The following DECR1 variants were observed in gnomAD, a reference collection of about 807,000 sequenced individuals.
DECR1 encodes the protein 2,4-dienoyl-CoA reductase [(3E)-enoyl-CoA-producing], mitochondrial.
In DECR1, 44 loss-of-function variants were observed where a neutral mutation model predicts 38.8. The observed-to-expected ratio is 1.13, with a 90% CI of 0.89 to 1.46. The LOEUF is 1.46. Among genes scored for constraint, DECR1 ranks in the 40% most tolerant of loss-of-function variants. The pLI is 0.00. For missense variants in DECR1, 428 were observed against 405.5 expected, an observed-to-expected ratio of 1.06 and a Z score of -0.48; for synonymous variants, 148 against 135.2, an observed-to-expected ratio of 1.09 and a Z score of -0.66.
intron 5 of DECR1, among the ~76,000 whole-genome samples, chr8:90,023,942 C>T (rs188373008): frequency 6.6e-6 from 1 of 152,160 alleles, no homozygotes; most frequent in African/African-American, 2.4e-5. Context: ...TGTTCACTTC[C>T]CACCTATGAG....
At chr8:90,020,829 A>G (rs1289923594) in intron 4 of DECR1, 80 bp from the exon 5 acceptor site, 2 of 1,144,234 alleles carry the variant, frequency 1.7e-6, no homozygotes, top group Non-Finnish European at 1.2e-6. Context: ...TTCTATTAAT[A>G]CATTTCAGAA....
At chr8:90,033,127 C>T (rs1209276887) in intron 5 of DECR1, among the ~76,000 whole-genome samples, 1 of 152,100 alleles carries the variant, frequency 6.6e-6, no homozygotes, top group Admixed American at 6.6e-5. Context: ...TTCTGTTGGT[C>T]ATTGGAACTA....
chr8:90,013,232 C>T (rs549442378), intron 1 of DECR1, among the ~76,000 whole-genome samples: 1 of 152,186 alleles, frequency 6.6e-6, no homozygotes, highest in Non-Finnish European at 1.5e-5. Context: ...CTCATTTAGC[C>T]TTACAACTTC....
intron 1 of DECR1, among the ~76,000 whole-genome samples, chr8:90,010,468 G>A (rs1056560086): frequency 6.6e-6 from 1 of 152,226 alleles, no homozygotes; most frequent in African/African-American, 2.4e-5. Context: ...TGCACGCATG[G>A]CCTTCTAGCA....
At chr8:90,018,180 G>T (rs550547582) in intron 2 of DECR1, among the ~76,000 whole-genome samples, 8 of 152,278 alleles carry the variant, frequency 5.3e-5, no homozygotes, top group Non-Finnish European at 8.8e-5. Context: ...GAGCCACCGC[G>T]CCCAGCCAGT....
At chr8:90,015,528 G>T in intron 1 of DECR1, 119 of 341,786 alleles carry the variant, frequency 3.5e-4, no homozygotes, top group Middle Eastern at 7.6e-4. Flanking sequence ...ACATTTTCTT[G>T]TGCAATTTCC....
intron 1 of DECR1, among the ~76,000 whole-genome samples, chr8:90,014,302 G>T (rs934753206): frequency 1.3e-5 from 2 of 152,182 alleles, no homozygotes; most frequent in Non-Finnish European, 2.9e-5. Context: ...GTAGAAACGG[G>T]ATTGAATATG....
chr8:90,019,026 T>C (rs1813080826), intron 3 of DECR1, 60 bp downstream of exon 3: 7 of 1,584,126 alleles, frequency 4.4e-6, no homozygotes, highest in Middle Eastern at 1.7e-4. Flanking sequence ...TCAAATAATT[T>C]GTTCATGCGT....
At chr8:90,028,024 C>A (rs536595724) in intron 5 of DECR1, among the ~76,000 whole-genome samples, 1 of 152,192 alleles carries the variant, frequency 6.6e-6, no homozygotes, top group African/African-American at 2.4e-5. Context: ...TGTTACTTTT[C>A]ATTGAGCTTC....
chr8:90,007,141 T>C (rs1812762707), intron 1 of DECR1, among the ~76,000 whole-genome samples: 1 of 152,120 alleles, frequency 6.6e-6, no homozygotes, highest in Non-Finnish European at 1.5e-5. Context: ...GAGCAATTTG[T>C]GTAAAGACAG....
At chr8:90,002,733 T>C (rs1182534121) in intron 1 of DECR1, among the ~76,000 whole-genome samples, 1 of 152,220 alleles carries the variant, frequency 6.6e-6, no homozygotes, top group Non-Finnish European at 1.5e-5. Context: ...AAGTAAGGTA[T>C]CTTTCTTTTA....
intron 2 of DECR1, 119 bp from the exon 3 acceptor site, chr8:90,018,790 T>A (rs1179337594): frequency 1.3e-6 from 1 of 796,032 alleles, no homozygotes; most frequent in Non-Finnish European, 2.1e-6. Context: ...GATTTTTGTA[T>A]ATAAATAACA....
At chr8:90,003,847 G>A (rs548958176) in intron 1 of DECR1, among the ~76,000 whole-genome samples, 1 of 152,258 alleles carries the variant, frequency 6.6e-6, no homozygotes, top group South Asian at 2.1e-4. Flanking sequence ...GCTGAGGCAG[G>A]AGAATCGCTT....
chr8:90,007,240 G>T (rs1158764125), intron 1 of DECR1, among the ~76,000 whole-genome samples: 1 of 152,034 alleles, frequency 6.6e-6, no homozygotes, highest in East Asian at 1.9e-4. Flanking sequence ...AGAAGAGAGG[G>T]ACAGGAGCTA....
At chr8:90,028,495 A>C (rs1563639613) in intron 5 of DECR1, among the ~76,000 whole-genome samples, 1 of 152,128 alleles carries the variant, frequency 6.6e-6, no homozygotes, top group African/African-American at 2.4e-5. Context: ...GGATTACTTT[A>C]TACCAGAAAG....
intron 8 of DECR1, among the ~76,000 whole-genome samples, chr8:90,047,848 T>G (rs892714865): frequency 6.6e-6 from 1 of 152,228 alleles, no homozygotes; most frequent in Non-Finnish European, 1.5e-5. Context: ...CAGACCACAG[T>G]GCAATCAAAC....
intron 5 of DECR1, among the ~76,000 whole-genome samples, chr8:90,028,562 G>T (rs976865204): frequency 2.0e-5 from 3 of 152,022 alleles, no homozygotes; most frequent in African/African-American, 7.2e-5. Context: ...CCCACAAGTT[G>T]TATATTAAAT....
At chr8:90,023,423 T>C (rs974326991) in intron 5 of DECR1, among the ~76,000 whole-genome samples, 1 of 152,134 alleles carries the variant, frequency 6.6e-6, no homozygotes, top group Non-Finnish European at 1.5e-5. Context: ...ATTTTCTGCA[T>C]TGGTAATACT....
chr8:90,005,463 A>C, intron 1 of DECR1: 1 of 456,196 alleles, frequency 2.2e-6, no homozygotes, highest in Non-Finnish European at 4.4e-6. Flanking sequence ...AAAATGAGTA[A>C]AGATGGAAGC....
Sources: allele counts gnomAD v4.1 joint callset (sites outside exome capture counted in the v4.1 genomes callset), GRCh38; gene constraint gnomAD v4.1.1; transcripts MANE v1.5; gene names NCBI Gene and HGNC (gene_info 2026-07-23, HGNC 2026-07-21).